The following TRAPPC9 variants were observed in gnomAD, a reference collection of about 807,000 sequenced individuals.
The protein encoded by TRAPPC9 is trafficking protein particle complex subunit 9, also known as IKK2 binding protein.
In TRAPPC9, 83 loss-of-function variants were observed where a neutral mutation model predicts 124.0. The ratio of observed to expected loss-of-function variants is 0.67; its 90% confidence interval spans 0.56 to 0.80. The LOEUF (loss-of-function observed/expected upper bound fraction) is 0.80, where lower values mean the gene tolerates loss of function less well. Among genes scored for constraint, TRAPPC9 ranks in the 30% least tolerant of loss-of-function variants. TRAPPC9 has a pLI of 0.00. For synonymous variants in TRAPPC9, 638 were observed against 617.5 expected (o/e 1.03, Z -0.49); for missense variants, 1,302 against 1,508.3 (o/e 0.86, Z 2.27).
At chr8:139,753,902 T>G (rs1819527460) in intron 21 of TRAPPC9, among the ~76,000 whole-genome samples, 1 of 152,222 alleles carries the variant, frequency 6.6e-6, no homozygotes, top group Non-Finnish European at 1.5e-5. Context: ...TGTCTGCATG[T>G]CTGTCTCCTC....
intron 17 of TRAPPC9, among the ~76,000 whole-genome samples, chr8:140,137,089 G>A (rs866627419): frequency 2.0e-5 from 3 of 152,164 alleles, no homozygotes; most frequent in Admixed American, 6.5e-5. Context: ...AGGAAAAAGC[G>A]GGGAGAGGGG....
In TRAPPC9 at chr8:139,776,731, A is replaced by G. The variant is rs973545691; in HGVS notation, c.3056-44529T>C. On this transcript the variant is annotated intron_variant, in intron 21 of 22. Coordinates refer to ENST00000438773, the MANE Select transcript of TRAPPC9 (RefSeq NM_001160372.4). This position sits in a 1 kb window ranked among gnomAD's most constrained non-coding sequence, Gnocchi z 4.1. Reference sequence around the variant, plus strand: ...TGGCTTCAAGAGCTTGGTGTAGGACAGGCTCCCCAGCTAACAAAAGGAATG... The same window carrying G: ...TGGCTTCAAGAGCTTGGTGTAGGACGGGCTCCCCAGCTAACAAAAGGAATG... Among the ~76,000 whole-genome samples the G allele has an allele frequency of 1.3e-5, 2 of 152,138 alleles. No homozygotes were observed. The highest frequency in any genetic ancestry group is 4.8e-5 in the African/African-American group (2 of 41,424).
chr8:140,456,733 AACACGGG>A (rs1394712999), intron 1 of TRAPPC9: 1 of 939,888 alleles, frequency 1.1e-6, no homozygotes, highest in Non-Finnish European at 1.3e-6. Flanking sequence ...CTACCTTAGA[AACACGGG>A]ACAGTCACCA....
chr8:139,777,100 A>C (rs1821447057), intron 21 of TRAPPC9, among the ~76,000 whole-genome samples: 1 of 152,194 alleles, frequency 6.6e-6, no homozygotes, highest in African/African-American at 2.4e-5. Flanking sequence ...TTCAAGAGTC[A>C]GTTCAACTGC....
At chr8:140,249,130 G>C (rs1010215940) in intron 16 of TRAPPC9, among the ~76,000 whole-genome samples, 2 of 151,986 alleles carry the variant, frequency 1.3e-5, no homozygotes, top group Non-Finnish European at 2.9e-5. Context: ...TCTGTCATCC[G>C]GACAGTGAGC....
intron 21 of TRAPPC9, 60 bp from the exon 22 acceptor site, chr8:139,732,262 C>T: frequency 1.4e-6 from 2 of 1,430,860 alleles, no homozygotes; most frequent in Non-Finnish European, 1.9e-6. Flanking sequence ...GCCGGCCTAC[C>T]CCACCCACTC....
In TRAPPC9 at chr8:140,124,704, G is replaced by A. The variant is rs377166641; in HGVS notation, c.2556+96755C>T. On this transcript the variant is annotated intron_variant, in intron 17 of 22. Transcript: ENST00000438773. ...GACCCTCAGAGGGGAAGACCCTCGCGGGGGAGGACCCTCCGAGGGGAGGAC... is the reference window on the plus strand; with the variant it reads ...GACCCTCAGAGGGGAAGACCCTCGCAGGGGAGGACCCTCCGAGGGGAGGAC... Among the ~76,000 whole-genome samples, 5 of 143,326 alleles carry A rather than the reference G, an allele frequency of 3.5e-5. No individual in the cohort carries two copies. In the South Asian group the frequency reaches 6.3e-4, roughly 18 times the overall value. 94.0% of individuals were successfully genotyped at this position (143,326 alleles called of 152,430 possible). A position where few individuals can be genotyped will look rare whatever the true frequency, so the allele number is the denominator to read the frequency against.
chr8:140,420,729 A>C (rs1034596849), intron 5 of TRAPPC9, among the ~76,000 whole-genome samples: 5 of 152,196 alleles, frequency 3.3e-5, no homozygotes, highest in Non-Finnish European at 7.3e-5. Context: ...ACAAATATCT[A>C]GTGAAAAATA....
At chr8:139,997,372 G>A (rs778772170) in intron 18 of TRAPPC9, among the ~76,000 whole-genome samples, 105 of 148,538 alleles carry the variant, frequency 7.1e-4, no homozygotes, top group Non-Finnish European at 1.2e-3. Flanking sequence ...GGCAGACAAC[G>A]CATCCTACAC....
intron 18 of TRAPPC9, among the ~76,000 whole-genome samples, chr8:140,005,922 AAAGG>A (rs1484800111): frequency 6.6e-6 from 1 of 151,488 alleles, no homozygotes; most frequent in Middle Eastern, 3.2e-3. Context: ...AAAAAAAAAA[AAAGG>A]AGGAGGAGGA....
chr8:139,848,907 G>C (rs1479171848), intron 21 of TRAPPC9, among the ~76,000 whole-genome samples: 1 of 152,208 alleles, frequency 6.6e-6, no homozygotes, highest in African/African-American at 2.4e-5. Context: ...GCTAGAGACA[G>C]ATTTGCTCAG....
intron 17 of TRAPPC9, among the ~76,000 whole-genome samples, chr8:140,171,233 T>G (rs892122611): frequency 6.6e-6 from 1 of 152,188 alleles, no homozygotes; most frequent in Non-Finnish European, 1.5e-5. Flanking sequence ...AATATTCTTA[T>G]GCATAAACAT....
intron 17 of TRAPPC9, among the ~76,000 whole-genome samples, chr8:140,215,717 G>A (rs190576428): frequency 6.6e-6 from 1 of 151,536 alleles, no homozygotes; most frequent in Non-Finnish European, 1.5e-5. Context: ...GCGAACTTGG[G>A]CAAGTCTTCC....
At chr8:139,743,978 AG>A (rs1327026485) in intron 21 of TRAPPC9, among the ~76,000 whole-genome samples, 5 of 152,214 alleles carry the variant, frequency 3.3e-5, no homozygotes, top group South Asian at 2.1e-4. Flanking sequence ...GTTGGCCTTC[AG>A]TGACCGTACA....
At chr8:140,230,475 G>T (rs1031772865) in intron 16 of TRAPPC9, among the ~76,000 whole-genome samples, 5 of 152,116 alleles carry the variant, frequency 3.3e-5, no homozygotes, top group African/African-American at 1.2e-4. Flanking sequence ...AGCTGGGCAT[G>T]GTGGCAGGCG....
At chr8:140,457,786 A>C, upstream of TRAPPC9, 1 of 1,011,198 alleles carries the variant, frequency 9.9e-7, no homozygotes, top group Non-Finnish European at 1.2e-6. Flanking sequence ...CGCGGAGGCC[A>C]GGCCTGGGCC....
At chr8:139,888,128 C>T (rs571274765) in intron 20 of TRAPPC9, among the ~76,000 whole-genome samples, 7 of 152,350 alleles carry the variant, frequency 4.6e-5, no homozygotes, top group African/African-American at 1.7e-4. Context: ...TCTAACTCAT[C>T]CCGTCCTCCC....
intron 14 of TRAPPC9, among the ~76,000 whole-genome samples, chr8:140,281,597 A>C (rs1458699363): frequency 4.6e-5 from 7 of 152,142 alleles, no homozygotes. Context: ...AAAGCTTTTA[A>C]TTTTGATGAA....
intron 17 of TRAPPC9, among the ~76,000 whole-genome samples, chr8:140,032,016 A>T (rs192398032): frequency 6.6e-6 from 1 of 152,196 alleles, no homozygotes; most frequent in Non-Finnish European, 1.5e-5. Context: ...CGATGAGCCC[A>T]GTGCCATAGA....
Sources: gnomAD v4.1 joint callset for allele counts (sites outside exome capture counted in the v4.1 genomes callset) on GRCh38, gnomAD v4.1.1 for gene constraint, Gnocchi (gnomAD v3.1) non-coding constraint, MANE v1.5 for transcripts, NCBI Gene and HGNC (gene_info 2026-07-23, HGNC 2026-07-21) for gene names.